The following EDA variants were observed in gnomAD, a reference collection of about 807,000 sequenced individuals.
EDA encodes the protein ectodysplasin A, also known as ectodysplasin-A.
In EDA, 2 loss-of-function variants were observed where a neutral mutation model predicts 23.6. That is an observed-to-expected ratio of 0.08 (90% confidence interval 0.03 to 0.27). The LOEUF is 0.27. Among genes scored for constraint, EDA ranks in the 10% least tolerant of loss-of-function variants. The pLI is 1.00. For synonymous variants in EDA, 131 were observed against 132.0 expected (o/e 0.99, Z 0.05); for missense variants, 229 against 324.2 (o/e 0.71, Z 2.26).
At chrX:69,962,629 C>T (rs1245131969) in intron 2 of EDA, among the ~76,000 whole-genome samples, 1 of 111,044 alleles carries the variant, frequency 9.0e-6, no homozygotes, top group African/African-American at 3.3e-5. Flanking sequence ...CAGGGTTTCA[C>T]CTTGTTGGCC....
intron 1 of EDA, among the ~76,000 whole-genome samples, chrX:69,664,447 G>A (rs925355086): frequency 9.0e-6 from 1 of 111,669 alleles, no homozygotes; most frequent in Non-Finnish European, 1.9e-5. Flanking sequence ...TGATTGTGAG[G>A]CCTCCCCTGC....
chrX:69,803,871 T>A (rs964083309), intron 1 of EDA, among the ~76,000 whole-genome samples: 1 of 110,408 alleles, frequency 9.1e-6, no homozygotes, highest in Non-Finnish European at 1.9e-5. Flanking sequence ...TTTTATGAGA[T>A]CAACATTTTA....
chrX:69,882,440 C>T (rs1331152064), intron 1 of EDA, among the ~76,000 whole-genome samples: 1 of 111,939 alleles, frequency 8.9e-6, no homozygotes, highest in Non-Finnish European at 1.9e-5. Flanking sequence ...TGAACATTCT[C>T]TTGCTATTTT....
intron 1 of EDA, among the ~76,000 whole-genome samples, chrX:69,809,495 T>G (rs1343583043): frequency 1.8e-5 from 2 of 111,369 alleles, no homozygotes; most frequent in African/African-American, 6.5e-5. Flanking sequence ...GAGATTTGGG[T>G]GGGGACACAG....
chrX:69,843,613 A>G (rs917815030), intron 1 of EDA, among the ~76,000 whole-genome samples: 1 of 111,205 alleles, frequency 9.0e-6, no homozygotes, highest in Non-Finnish European at 1.9e-5. Context: ...TTAGCTGGGT[A>G]ACTCAGTTGC....
intron 1 of EDA, among the ~76,000 whole-genome samples, chrX:69,895,495 A>G (rs778576418): frequency 8.3e-4 from 92 of 110,247 alleles, no homozygotes; most frequent in African/African-American, 3.0e-3. Context: ...AAAGAAGTCA[A>G]CTGGCAGACC....
At chrX:69,625,723 A>AT (rs1932358191) in intron 1 of EDA, among the ~76,000 whole-genome samples, 1 of 111,234 alleles carries the variant, frequency 9.0e-6, no homozygotes, top group Non-Finnish European at 1.9e-5. Flanking sequence ...AAACAATAAA[A>AT]TGTTTAGAAG....
chrX:69,715,196 G>T, intron 1 of EDA, among the ~76,000 whole-genome samples: 1 of 108,336 alleles, frequency 9.2e-6, no homozygotes, highest in East Asian at 2.9e-4. Flanking sequence ...CAGGTACTAA[G>T]CCTAGTACGC....
chrX:70,020,644 A>T (rs2147500492), intron 2 of EDA, among the ~76,000 whole-genome samples: 1 of 112,524 alleles, frequency 8.9e-6, no homozygotes, highest in South Asian at 3.7e-4. Flanking sequence ...TGTTTATAAA[A>T]TGTACATATA....
chrX:69,754,170 G>A (rs2014011438), intron 1 of EDA, among the ~76,000 whole-genome samples: 1 of 111,980 alleles, frequency 8.9e-6, no homozygotes, highest in Non-Finnish European at 1.9e-5. Context: ...AGCATTGATG[G>A]TCTTTACAAT....
At chrX:69,636,964 G>T (rs1449970308) in intron 1 of EDA, among the ~76,000 whole-genome samples, 1 of 110,760 alleles carries the variant, frequency 9.0e-6, no homozygotes, top group Non-Finnish European at 1.9e-5. Context: ...ATTTTCAACC[G>T]CAATTTTTTT....
chrX:69,927,654 C>T (rs779979912), intron 1 of EDA, among the ~76,000 whole-genome samples: 2 of 111,194 alleles, frequency 1.8e-5, no homozygotes, highest in South Asian at 7.7e-4. Flanking sequence ...CATGGAGTAT[C>T]TTAGTGGTGC....
chrX:69,858,882 G>T (rs2147591174), intron 1 of EDA, among the ~76,000 whole-genome samples: 1 of 111,172 alleles, frequency 9.0e-6, no homozygotes, highest in South Asian at 3.8e-4. Context: ...TGGTTGGCAG[G>T]CTATTTATTA....
At chrX:69,855,721 C>A (rs1341446546) in intron 1 of EDA, among the ~76,000 whole-genome samples, 1 of 111,157 alleles carries the variant, frequency 9.0e-6, no homozygotes, top group Non-Finnish European at 1.9e-5. Context: ...GCTGTAGCCC[C>A]ATAGTATAGT....
At position 70,038,476 on chromosome X, in the gene EDA, A is replaced by G. The variant is rs2020292494; in HGVS notation, c.*2867A>G. 1 of 110,685 alleles carries G rather than the reference A, an allele frequency of 9.0e-6. No homozygotes were observed. The highest frequency in any genetic ancestry group is 1.9e-5 in the Non-Finnish European group (1 of 52,945). 9.1% of individuals were successfully genotyped at this position (110,685 alleles called of 1,213,427 possible). A position where few individuals can be genotyped will look rare whatever the true frequency, so the allele number is the denominator to read the frequency against. On this transcript the variant is annotated 3_prime_UTR_variant, in exon 8 of 8. Transcript: ENST00000374552. Reference sequence around the variant, plus strand: ...TGCTTGCATGGAGAATGGGACGAGGACATTTGTGGGCAAGCAGATGACAGA... The same window carrying G: ...TGCTTGCATGGAGAATGGGACGAGGGCATTTGTGGGCAAGCAGATGACAGA...
chrX:69,925,161 G>A (rs1246155097), intron 1 of EDA, among the ~76,000 whole-genome samples: 1 of 111,218 alleles, frequency 9.0e-6, no homozygotes, highest in Non-Finnish European at 1.9e-5. Context: ...TTGCCTGATT[G>A]CCCTGGCCAC....
chrX:69,662,268 C>T (rs1412184887), intron 1 of EDA, among the ~76,000 whole-genome samples: 2 of 111,764 alleles, frequency 1.8e-5, no homozygotes, highest in African/African-American at 6.5e-5. Flanking sequence ...TGAATTGTAG[C>T]TCCCATAATT....
intron 1 of EDA, among the ~76,000 whole-genome samples, chrX:69,686,822 T>C (rs1436454178): frequency 8.9e-6 from 1 of 112,221 alleles, no homozygotes; most frequent in African/African-American, 3.2e-5. Flanking sequence ...TATCTATTCA[T>C]CAATGGATGG....
intron 1 of EDA, among the ~76,000 whole-genome samples, chrX:69,754,127 T>G (rs1449916057): frequency 8.9e-6 from 1 of 111,985 alleles, no homozygotes; most frequent in Non-Finnish European, 1.9e-5. Flanking sequence ...GTTAGCTGGT[T>G]ATTTTGCTTG....
Sources: gnomAD v4.1 joint callset for allele counts (sites outside exome capture counted in the v4.1 genomes callset) on GRCh38, gnomAD v4.1.1 for gene constraint, MANE v1.5 for transcripts, NCBI Gene and HGNC (gene_info 2026-07-23, HGNC 2026-07-21) for gene names.